Variants in KLF12 observed in about 807,000 individuals in gnomAD.
KLF12 encodes KLF transcription factor 12.
In KLF12, 9 loss-of-function variants were observed where a neutral mutation model predicts 37.8. That is an observed-to-expected ratio of 0.24 (90% CI 0.14 to 0.42). The LOEUF is 0.42. Among genes scored for constraint, KLF12 ranks in the 10% least tolerant of loss-of-function variants. KLF12 has a pLI of 1.00. For synonymous variants in KLF12, 208 were observed against 202.1 expected (o/e 1.03, Z -0.25); for missense variants, 411 against 516.0 (o/e 0.80, Z 1.97).
intron 1 of KLF12, among the ~76,000 whole-genome samples, chr13:74,075,147 A>T (rs998537340): frequency 8.5e-5 from 13 of 152,186 alleles, no homozygotes; most frequent in Non-Finnish European, 1.9e-4. Context: ...GGAAGGAAGG[A>T]ACGTCTACAG....
the KLF12 span, among the ~76,000 whole-genome samples, chr13:74,203,703 C>A: frequency 7.2e-5 from 11 of 152,096 alleles, no homozygotes; most frequent in Admixed American, 7.2e-4. Context: ...CTTCCCCTAG[C>A]CACAGGGCAC....
At chr13:73,919,426 A>G (rs2139206536) in intron 3 of KLF12, among the ~76,000 whole-genome samples, 1 of 152,326 alleles carries the variant, frequency 6.6e-6, no homozygotes, top group South Asian at 2.1e-4. Flanking sequence ...TTTCTCCATT[A>G]ATCCTGCTGC....
At position 73,858,215 on chromosome 13, in the gene KLF12, G is replaced by T. The variant is rs1049347853; in HGVS notation, c.124-11842C>A. 2.0e-5 allele frequency among the ~76,000 whole-genome samples: 3 copies of T among 152,078 alleles called. No homozygotes were observed. The East Asian group carries it at 5.8e-4, about 29-fold the overall frequency. Reference sequence around the variant, plus strand: ...AGGGGAGCAGAGGCTTTTAAAATCTGGTTTTCATATTTCTAGATCCTAGTG... The same window carrying T: ...AGGGGAGCAGAGGCTTTTAAAATCTTGTTTTCATATTTCTAGATCCTAGTG... On this transcript the variant is annotated intron_variant, in intron 3 of 7. Transcript: ENST00000377669.
At chr13:73,821,541 T>C (rs1265348147) in intron 4 of KLF12, among the ~76,000 whole-genome samples, 4 of 152,226 alleles carry the variant, frequency 2.6e-5, no homozygotes, top group East Asian at 1.9e-4. Context: ...TACCCAATGA[T>C]TATTTTCTTT....
chr13:73,909,918 G>A (rs73524883), intron 3 of KLF12, among the ~76,000 whole-genome samples: 1 of 151,752 alleles, frequency 6.6e-6, no homozygotes, highest in Admixed American at 6.6e-5. Context: ...CACCCTGTAC[G>A]TGTACATTTC....
At chr13:73,930,503 T>C (rs908748008) in intron 3 of KLF12, among the ~76,000 whole-genome samples, 5 of 152,236 alleles carry the variant, frequency 3.3e-5, no homozygotes, top group African/African-American at 1.2e-4. Flanking sequence ...TGAAAGTTTT[T>C]TAAAAACCAT....
rs545542432 is a variant in KLF12, at chr13:73,806,958, CA to C, written c.806+6193del. ...AGTTTAAAACAAGAAAAATAAATAACAAAAAAAAACCCTTAGATTCTAACTT... is the reference window on the plus strand; with the variant it reads ...AGTTTAAAACAAGAAAAATAAATAACAAAAAAAACCCTTAGATTCTAACTT... On this transcript the variant is annotated intron_variant, in intron 5 of 7. Coordinates refer to ENST00000377669, the MANE Select transcript of KLF12 (RefSeq NM_007249.5). Among the ~76,000 whole-genome samples, 262 of 150,662 alleles carry C rather than the reference CA, an allele frequency of 1.7e-3. 1 individual carries two copies. The highest frequency in any genetic ancestry group is 4.3e-3 in the African/African-American group (177 of 41,082).
At chr13:73,737,508 C>T (rs926202539) in intron 6 of KLF12, among the ~76,000 whole-genome samples, 10 of 152,138 alleles carry the variant, frequency 6.6e-5, no homozygotes, top group Non-Finnish European at 1.5e-4. Context: ...CTTTCCTGCC[C>T]TTTCAGGTCC....
At chr13:74,168,434 G>C in the KLF12 span, among the ~76,000 whole-genome samples, 1 of 152,170 alleles carries the variant, frequency 6.6e-6, no homozygotes, top group East Asian at 1.9e-4. Context: ...GCCTAACACT[G>C]ACTCTGAGCT....
chr13:73,783,546 A>C (rs7995609), intron 5 of KLF12, among the ~76,000 whole-genome samples: 31,703 of 152,048 alleles, frequency 0.21, 4,395 homozygotes, highest in African/African-American at 0.4. Context: ...CCCTGATTGG[A>C]TCATTATGCC....
chr13:73,995,145 C>T (rs941090989), intron 1 of KLF12, 92 bp from the exon 2 acceptor site: 90 of 783,908 alleles, frequency 1.1e-4, no homozygotes, highest in Non-Finnish European at 1.8e-4. Context: ...CTTAATTCTA[C>T]AGTTCCTTAA....
the KLF12 span, among the ~76,000 whole-genome samples, chr13:74,233,762 T>C: frequency 6.6e-6 from 1 of 152,218 alleles, no homozygotes; most frequent in African/African-American, 2.4e-5. Context: ...CATCTTCAGA[T>C]CATCATATGA....
the KLF12 span, among the ~76,000 whole-genome samples, chr13:74,195,866 G>A: frequency 4.3e-4 from 65 of 152,216 alleles, no homozygotes; most frequent in South Asian, 1.2e-3. Context: ...TTACAGGTGT[G>A]AGCTACCGCA....
At chr13:73,899,729 C>G (rs1887953017) in intron 3 of KLF12, among the ~76,000 whole-genome samples, 1 of 152,106 alleles carries the variant, frequency 6.6e-6, no homozygotes, top group African/African-American at 2.4e-5. Flanking sequence ...ACTGGGGCAC[C>G]CTTCTTCTCC....
chr13:73,758,802 C>CA (rs1014402306), intron 6 of KLF12, among the ~76,000 whole-genome samples: 1 of 152,096 alleles, frequency 6.6e-6, no homozygotes, highest in African/African-American at 2.4e-5. Context: ...ATACTAGAGA[C>CA]AAAATCAGCT....
At chr13:73,723,571 C>A (rs568887430) in intron 6 of KLF12, among the ~76,000 whole-genome samples, 1 of 152,164 alleles carries the variant, frequency 6.6e-6, no homozygotes, top group Admixed American at 6.5e-5. Context: ...GTAAGCCCTG[C>A]CCTCCTCATT....
At chr13:74,204,739 G>T in the KLF12 span, among the ~76,000 whole-genome samples, 1 of 152,230 alleles carries the variant, frequency 6.6e-6, no homozygotes, top group African/African-American at 2.4e-5. Context: ...ATGATTCAGA[G>T]ACCTCAGTTT....
At chr13:74,216,116 A>G in the KLF12 span, among the ~76,000 whole-genome samples, 9 of 152,164 alleles carry the variant, frequency 5.9e-5, no homozygotes, top group African/African-American at 9.7e-5. Flanking sequence ...GGCACTTGGC[A>G]TTCACCTTTC....
chr13:74,281,758 C>T, the KLF12 span, among the ~76,000 whole-genome samples: 1 of 152,082 alleles, frequency 6.6e-6, no homozygotes, highest in East Asian at 1.9e-4. Flanking sequence ...TTGCAATCTT[C>T]TCTGTGGGTA....
Sources: gnomAD v4.1 joint callset for allele counts (sites outside exome capture counted in the v4.1 genomes callset) on GRCh38, gnomAD v4.1.1 for gene constraint, MANE v1.5 for transcripts, NCBI Gene and HGNC (gene_info 2026-07-23, HGNC 2026-07-21) for gene names.